The following SEC16A variants were observed in gnomAD, a reference collection of about 807,000 sequenced individuals.
The protein encoded by SEC16A is protein transport protein Sec16A.
In SEC16A, 110 loss-of-function variants were observed where a neutral mutation model predicts 221.9. The observed-to-expected ratio is 0.50, with a 90% CI of 0.42 to 0.58. The LOEUF (loss-of-function observed/expected upper bound fraction) is 0.58. SEC16A is among the 20% of genes least tolerant of loss of function. The pLI, the probability that SEC16A is intolerant of heterozygous loss-of-function variation, is 0.00. For synonymous variants in SEC16A, 1,393 were observed against 1,257.7 expected (o/e 1.11, Z -2.28); for missense variants, 3,165 against 3,097.8 (o/e 1.02, Z -0.52).
chr9:136,448,010 C>T, intron 24 of SEC16A, 74 bp downstream of exon 24: 1 of 1,523,318 alleles, frequency 6.6e-7, no homozygotes. Context: ...AACACCTACT[C>T]AGGTCTGCTC....
intron 31 of SEC16A, 67 bp from the exon 32 acceptor site, chr9:136,441,890 C>A: frequency 1.4e-6 from 2 of 1,389,260 alleles, no homozygotes; most frequent in Admixed American, 3.4e-5. Flanking sequence ...TCGGCTGCAG[C>A]GTGGCAGGGG....
In SEC16A at chr9:136,456,150, C is replaced by A; in HGVS notation, c.5567G>T (p.Arg1856Leu). 2 of 1,611,834 alleles carry A rather than the reference C, an allele frequency of 1.2e-6. No homozygotes were observed. The highest frequency in any genetic ancestry group is 2.2e-5 in the South Asian group (2 of 90,964). Residue 1856 changes from arginine to leucine, a missense_variant, in exon 19 of 32, where the codon CGA (arginine) becomes CTA (leucine). Arg to Leu is a moderately radical substitution (Grantham distance 102, BLOSUM62 -2). Transcript: ENST00000684901. The part of the protein sequence containing the change: ...SQLVQMASQL[R>L]LFDPQLKEKP... ...CTCTTTCAGCTGGGGATCGAAGAGT[C>A]GTAACTGGGAAGCCATCTAGACACG... is the stretch of plus-strand genomic sequence containing the variant.
rs1453963906 is a variant in SEC16A at position 136,468,489 on chromosome 9, T to C, written c.3728A>G (p.Tyr1243Cys). 1.9e-6 allele frequency: 3 copies of C among 1,612,108 alleles called. No individual in the cohort carries two copies. Among genetic ancestry groups the C allele is most frequent in the South Asian group, 1.1e-5 (1 of 91,016 alleles). Residue 1243 changes from tyrosine (Y) to cysteine (C), a missense_variant, in exon 5 of 32, where the codon TAT (tyrosine) becomes TGT (cysteine). Around this residue, in one of 3 missense-constraint regions of SEC16A, gnomAD observed 2,030 missense variants for 1,923.1 expected, o/e 1.06. Transcript: ENST00000684901. ...ACTGCTCCATCCACTTTTGGAACTATAGTATCCTTCAGGATATCCTTGCCT... is the reference window on the plus strand; with the variant it reads ...ACTGCTCCATCCACTTTTGGAACTACAGTATCCTTCAGGATATCCTTGCCT... ...PPRQGYPEGY[Y>C]SSKSGWSSQS...
At chr9:136,463,875 G>A in intron 9 of SEC16A, 135 bp from the exon 10 acceptor site, 2 of 887,422 alleles carry the variant, frequency 2.3e-6, no homozygotes, top group Non-Finnish European at 3.7e-6. Context: ...CACAGCAGGT[G>A]AAGGCTCTGT....
In SEC16A at chr9:136,459,496, C is replaced by A; in HGVS notation, c.5251G>T (p.Gly1751Cys). ...TTTGTAGTTTTCTTCGTGTAAACAC[C>A]AAATCCCGCCTGGGCCATGAGGTAG... ...FCYLMAQAGF[G>C]VYTKKTTKLV... is the part of the protein sequence containing the mutation. The change falls in exon 16 of 32, where the codon GGT (glycine) becomes TGT (cysteine). Residue 1751 changes from glycine (G) to cysteine (C), a missense_variant. Physicochemically the swap from Gly to Cys is radical, Grantham distance 159 (BLOSUM62 -3). Coordinates refer to ENST00000684901, the MANE Select transcript of SEC16A (RefSeq NM_014866.2). This position sits in a 1 kb window ranked among gnomAD's most constrained non-coding sequence, Gnocchi z 6.1. The A allele has an allele frequency of 6.2e-7, 1 of 1,607,846 alleles. No homozygotes were observed. The highest frequency in any genetic ancestry group is 2.2e-5 in the East Asian group (1 of 44,684).
At chr9:136,462,856 A>G in intron 12 of SEC16A, 31 bp downstream of exon 12, 1 of 1,593,254 alleles carries the variant, frequency 6.3e-7, no homozygotes, top group South Asian at 1.1e-5. Flanking sequence ...GGACATGTGC[A>G]GGCGCCAGGT....
chr9:136,461,429 G>A (rs191588071), intron 12 of SEC16A, among the ~76,000 whole-genome samples, 155 bp from the exon 13 acceptor site: 8 of 152,338 alleles, frequency 5.3e-5, no homozygotes, highest in African/African-American at 1.7e-4. Context: ...CTAAAGACAC[G>A]TAGCGATTCA....
rs575816732 is a variant in SEC16A, at chr9:136,444,908, C to A, written c.6927+144G>T. ...AAAAAAAAAAAAAAAAAAAGGAACCCTGTACCCTTGGTCACGTGACGCTGA... is the reference window on the plus strand; with the variant it reads ...AAAAAAAAAAAAAAAAAAAGGAACCATGTACCCTTGGTCACGTGACGCTGA... On this transcript the variant is annotated intron_variant, in intron 30 of 31. Coordinates refer to ENST00000684901, the MANE Select transcript of SEC16A (RefSeq NM_014866.2). The A allele has an allele frequency of 3.1e-4, 188 of 611,626 alleles. 1 individual carries two copies. Among genetic ancestry groups the A allele is most frequent in the African/African-American group, 3.0e-3 (162 of 53,626 alleles). The allele number at this position is 611,626 out of a possible 1,614,324, so 37.9% of individuals were successfully genotyped here. A position where few individuals can be genotyped will look rare whatever the true frequency, so the allele number is the denominator to read the frequency against.
rs1222901653 is a variant in SEC16A, at chr9:136,475,077, C to T, written c.2539G>A (p.Val847Met). 1.2e-6 allele frequency: 2 copies of T among 1,613,662 alleles called. No homozygotes were observed. The highest frequency in any genetic ancestry group is 2.7e-5 in the African/African-American group (2 of 74,890). Reference protein sequence around the residue: ...YNLAQPINFSVSLSNSHEKNQ... With the variant: ...YNLAQPINFSMSLSNSHEKNQ... ...TTCTCATGAGAGTTCGATAAGGACA[C>T]AGAAAAGTTAATGGGCTGAGCCAGA... Residue 847 changes from valine to methionine, a missense_variant, in exon 3 of 32, where the codon GTG becomes ATG. Val to Met is a conservative substitution (Grantham distance 21, BLOSUM62 1). Coordinates refer to ENST00000684901, the MANE Select transcript of SEC16A (RefSeq NM_014866.2). The surrounding 1 kb of genome is among the most constrained non-coding windows in gnomAD (Gnocchi z 5.0).
Position 136,456,146 on chromosome 9 carries a change from G to C in SEC16A, c.5571C>G (p.Leu1857=). ...GCTTCTCTTTCAGCTGGGGATCGAA[G>C]AGTCGTAACTGGGAAGCCATCTAGA... ...QLVQMASQLR[L]FDPQLKEKPE... is the part of the protein sequence containing the mutation. The change falls in exon 19 of 32, where the codon CTC becomes CTG. Residue 1857 remains leucine, a synonymous_variant. Transcript: ENST00000684901. The C allele has an allele frequency of 6.2e-7, 1 of 1,612,242 alleles. No homozygotes were observed. Among genetic ancestry groups the C allele is most frequent in the South Asian group, 1.1e-5 (1 of 90,992 alleles).
In SEC16A at chr9:136,476,542, G is replaced by GCCAGAC; in HGVS notation, c.1068_1073dup (p.Ser357_Gly358dup). ...CTGAGTCTGCTTCTAGCGGGGCACA[G>GCCAGAC]CCAGACCCGGCCCCAGCCCCCAGTG... On this transcript the variant is annotated inframe_insertion, in exon 3 of 32. Transcript: ENST00000684901. The GCCAGAC allele has an allele frequency of 6.2e-7, 1 of 1,611,278 alleles. No individual in the cohort carries two copies. The highest frequency in any genetic ancestry group is 8.5e-7 in the Non-Finnish European group (1 of 1,178,184).
chr9:136,456,801 G>A (rs1425792687), intron 18 of SEC16A, among the ~76,000 whole-genome samples: 2 of 152,230 alleles, frequency 1.3e-5, no homozygotes, highest in Non-Finnish European at 2.9e-5. Flanking sequence ...CAGCAGTACA[G>A]CCAGGACTCA....
At chr9:136,473,523 T>G (rs891910136) in intron 3 of SEC16A, among the ~76,000 whole-genome samples, 3 of 152,266 alleles carry the variant, frequency 2.0e-5, no homozygotes, top group Non-Finnish European at 4.4e-5. Context: ...CACCACCACG[T>G]GCTGACAGCA....
chr9:136,451,169 G>C, intron 23 of SEC16A, 87 bp downstream of exon 23: 1 of 1,381,338 alleles, frequency 7.2e-7, no homozygotes. Context: ...TGCATGTGTG[G>C]TGAATTAAGA....
Position 136,474,672 on chromosome 9 carries a change from T to C in SEC16A, c.2944A>G (p.Asn982Asp). Residue 982 changes from asparagine (N) to aspartate (D), a missense_variant, in exon 3 of 32, where the codon AAC becomes GAC. Asn to Asp is a conservative substitution (Grantham distance 23). This residue lies in a region of SEC16A where 2,030 missense variants were observed against 1,923.1 expected (regional missense o/e 1.06). Coordinates refer to ENST00000684901, the MANE Select transcript of SEC16A (RefSeq NM_014866.2). Reference sequence around the variant, plus strand: ...GTGTCTTCCTGATGACTGGAATGGTTTGCCTTATTACCATCAGGCACCAGG... The same window carrying C: ...GTGTCTTCCTGATGACTGGAATGGTCTGCCTTATTACCATCAGGCACCAGG... ...GTLVPDGNKA[N>D]HSSHQEDTYG... 6.2e-7 allele frequency: 1 copy of C among 1,613,726 alleles called. No individual in the cohort carries two copies. Among genetic ancestry groups the C allele is most frequent in the Non-Finnish European group, 8.5e-7 (1 of 1,179,898 alleles).
chr9:136,460,306 T>C (rs1367577297), intron 13 of SEC16A, among the ~76,000 whole-genome samples, 183 bp from the exon 14 acceptor site: 1 of 151,818 alleles, frequency 6.6e-6, no homozygotes, highest in Non-Finnish European at 1.5e-5. Context: ...AATACAAAAA[T>C]TAGCCGGGTG....
Position 136,457,431 on chromosome 9 carries a change from C to T in SEC16A, c.5550+13G>A, listed in dbSNP as rs1198590038. On this transcript the variant is annotated intron_variant, in intron 18 of 31. Transcript: ENST00000684901. ...CAGCACAGCATCCCGAGGACAGGCGCCAGGGGCAGCACCTGCACAAGCTGG... is the reference window on the plus strand; with the variant it reads ...CAGCACAGCATCCCGAGGACAGGCGTCAGGGGCAGCACCTGCACAAGCTGG... The T allele has an allele frequency of 1.9e-6, 3 of 1,595,478 alleles. No homozygotes were observed. Among genetic ancestry groups the T allele is most frequent in the African/African-American group, 2.7e-5 (2 of 74,560 alleles).
At chr9:136,468,692 C>T (rs1000474925) in intron 4 of SEC16A, among the ~76,000 whole-genome samples, 180 bp from the exon 5 acceptor site, 3 of 152,218 alleles carry the variant, frequency 2.0e-5, no homozygotes, top group Non-Finnish European at 2.9e-5. Context: ...TCCCACCATA[C>T]GGCTAATTCA....
chr9:136,442,660 A>AG (rs1341000876), intron 31 of SEC16A, among the ~76,000 whole-genome samples: 5 of 152,244 alleles, frequency 3.3e-5, no homozygotes, highest in Non-Finnish European at 7.3e-5. Flanking sequence ...GTCAGGCCCA[A>AG]GGGGGCTGAG....
Sources: gnomAD v4.1 joint callset for allele counts (sites outside exome capture counted in the v4.1 genomes callset) on GRCh38, gnomAD v4.1.1 for gene constraint, gnomAD v4.1.1 regional missense constraint, Gnocchi (gnomAD v3.1) non-coding constraint, MANE v1.5 for transcripts, NCBI Gene and HGNC (gene_info 2026-07-23, HGNC 2026-07-21) for gene names.